Variants in C16orf78 observed in about 807,000 individuals in gnomAD.
C16orf78 encodes uncharacterized protein C16orf78.
C16orf78 carries 19 observed loss-of-function variants against 27.3 expected under a neutral mutation model. The ratio of observed to expected loss-of-function variants is 0.70; its 90% CI spans 0.49 to 1.02. C16orf78 has a LOEUF of 1.02. Among genes scored for constraint, C16orf78 ranks in the 50% least tolerant of loss-of-function variants. The pLI, the probability that C16orf78 is intolerant of heterozygous loss-of-function variation, is 0.00. For missense variants in C16orf78, 339 were observed against 337.0 expected (o/e 1.01, Z -0.05); for synonymous variants, 130 against 116.1 (o/e 1.12, Z -0.77).
chr16:49,375,046 G>A (rs1024208244), intron 1 of C16orf78, among the ~76,000 whole-genome samples: 1 of 152,178 alleles, frequency 6.6e-6, no homozygotes, highest in South Asian at 2.1e-4. Context: ...GGGTTATGTG[G>A]TCAATTGCTC....
chr16:49,394,766 A>G (rs192476849), intron 3 of C16orf78, among the ~76,000 whole-genome samples: 1 of 152,216 alleles, frequency 6.6e-6, no homozygotes, highest in Admixed American at 6.5e-5. Flanking sequence ...TTTTCCCCTA[A>G]TATGATTGTA....
chr16:49,375,997 T>C (rs1965212276), intron 1 of C16orf78, among the ~76,000 whole-genome samples: 1 of 152,192 alleles, frequency 6.6e-6, no homozygotes. Context: ...AGGGAGCAAG[T>C]TTACATGGGA....
chr16:49,399,020 C>T, intron 4 of C16orf78, 111 bp from the exon 5 acceptor site: 2 of 1,194,346 alleles, frequency 1.7e-6, no homozygotes, highest in Admixed American at 2.0e-5. Flanking sequence ...AGAGACAGCC[C>T]CTTGCAGAGC....
intron 3 of C16orf78, among the ~76,000 whole-genome samples, chr16:49,391,193 T>G (rs1965408929): frequency 6.6e-6 from 1 of 152,220 alleles, no homozygotes; most frequent in African/African-American, 2.4e-5. Flanking sequence ...AAGGTTGCTC[T>G]GGCTATGAGC....
At chr16:49,378,900 A>T (rs1474687639) in intron 3 of C16orf78, among the ~76,000 whole-genome samples, 2 of 152,194 alleles carry the variant, frequency 1.3e-5, no homozygotes, top group Non-Finnish European at 2.9e-5. Flanking sequence ...GGTGACATCA[A>T]CTTCATGAGT....
At chr16:49,398,064 T>A (rs755493146) in intron 4 of C16orf78, among the ~76,000 whole-genome samples, 1 of 152,190 alleles carries the variant, frequency 6.6e-6, no homozygotes, top group Non-Finnish European at 1.5e-5. Context: ...AGCACTTGGA[T>A]GAGACCGTAA....
At position 49,373,864 on chromosome 16, in the gene C16orf78, C is replaced by T. The variant is rs1965183633; in HGVS notation, c.-76C>T. 2.6e-6 allele frequency: 4 copies of T among 1,561,778 alleles called. No homozygotes were observed. Among genetic ancestry groups the T allele is most frequent in the Admixed American group, 3.4e-5 (2 of 58,190 alleles). ...CCTACCTTCTAAGTCACCAGGCCAT[C>T]AAGTCCAGACAAAGGGATCGAAAGA... On this transcript the variant is annotated 5_prime_UTR_variant, in exon 1 of 5. The change creates a premature stop within an existing upstream ORF in the 5' untranslated region. Coordinates refer to ENST00000299191, the MANE Select transcript of C16orf78 (RefSeq NM_144602.4).
chr16:49,378,522 GA>G lies in C16orf78; in HGVS notation c.324del (p.Val109TrpfsTer49). 1 of 1,611,874 alleles carries G rather than the reference GA, an allele frequency of 6.2e-7. No individual in the cohort carries two copies. The highest frequency in any genetic ancestry group is 8.5e-7 in the Non-Finnish European group (1 of 1,178,984). On this transcript the variant is annotated frameshift_variant, in exon 3 of 5. Coordinates refer to ENST00000299191, the MANE Select transcript of C16orf78 (RefSeq NM_144602.4). LOFTEE classifies it high-confidence loss of function. ...KDAASYRSLY[G>X]VEQKGKHLSM... The stretch of plus-strand genomic sequence containing the variant: ...GCCGCCTCCTACCGAAGCCTCTATG[GA>G]GTGGAGCAAAAGGGGAAACACCTCA...
At chr16:49,390,746 G>A (rs937451264) in intron 3 of C16orf78, among the ~76,000 whole-genome samples, 3 of 152,228 alleles carry the variant, frequency 2.0e-5, no homozygotes, top group Non-Finnish European at 4.4e-5. Flanking sequence ...TAACTTTGCA[G>A]TTCTTGGTGC....
chr16:49,395,995 C>T (rs943542438), intron 3 of C16orf78, among the ~76,000 whole-genome samples: 2 of 152,196 alleles, frequency 1.3e-5, no homozygotes, highest in Non-Finnish European at 2.9e-5. Flanking sequence ...GTAATCCCAG[C>T]ACTTTGGGAG....
chr16:49,397,636 G>A (rs913832441), intron 4 of C16orf78, among the ~76,000 whole-genome samples: 5 of 152,170 alleles, frequency 3.3e-5, no homozygotes, highest in South Asian at 2.1e-4. Flanking sequence ...CAGCCTACCC[G>A]GGTTCCATGG....
intron 4 of C16orf78, among the ~76,000 whole-genome samples, chr16:49,398,011 C>T (rs1965495031): frequency 6.6e-6 from 1 of 152,176 alleles, no homozygotes; most frequent in Non-Finnish European, 1.5e-5. Context: ...GGTGGTTCAC[C>T]TTCCTTGGCC....
chr16:49,381,267 A>G (rs1965283479), intron 3 of C16orf78, among the ~76,000 whole-genome samples: 1 of 152,214 alleles, frequency 6.6e-6, no homozygotes, highest in Non-Finnish European at 1.5e-5. Context: ...ACCCATGAGC[A>G]TGGAATGTTC....
At chr16:49,394,322 A>T (rs1230901466) in intron 3 of C16orf78, among the ~76,000 whole-genome samples, 1 of 152,192 alleles carries the variant, frequency 6.6e-6, no homozygotes, top group African/African-American at 2.4e-5. Flanking sequence ...TCAATGTATG[A>T]AAATACATCA....
chr16:49,387,465 G>A (rs944071233), intron 3 of C16orf78, among the ~76,000 whole-genome samples: 1 of 152,070 alleles, frequency 6.6e-6, no homozygotes, highest in Non-Finnish European at 1.5e-5. Context: ...ATTTTGTTGA[G>A]GCTTTTTGCA....
chr16:49,375,439 A>T (rs1286989195), intron 1 of C16orf78, among the ~76,000 whole-genome samples: 2 of 152,210 alleles, frequency 1.3e-5, no homozygotes, highest in Non-Finnish European at 2.9e-5. Flanking sequence ...GCAGAAGGCA[A>T]AAGAGGAGCA....
intron 3 of C16orf78, among the ~76,000 whole-genome samples, chr16:49,383,936 A>G (rs1161536564): frequency 5.9e-5 from 9 of 152,226 alleles, no homozygotes; most frequent in Non-Finnish European, 1.3e-4. Flanking sequence ...CTGACAAATA[A>G]TTCAGAATAA....
Position 49,373,986 on chromosome 16 carries a change from G to GTT in C16orf78, c.47_48insTT (p.Arg16SerfsTer2). On this transcript the variant is annotated frameshift_variant, in exon 1 of 5. Transcript: ENST00000299191. LOFTEE classifies it high-confidence loss of function. ...CTGAAGGATTTAATGCCCACAAAGA[G>GTT]GAAATACATGTGGAAGACTGCTGAA... 6.2e-7 allele frequency: 1 copy of GTT among 1,614,168 alleles called. No individual in the cohort carries two copies. The highest frequency in any genetic ancestry group is 1.3e-5 in the African/African-American group (1 of 75,028).
At chr16:49,379,463 A>C (rs1451183926) in intron 3 of C16orf78, among the ~76,000 whole-genome samples, 5 of 151,796 alleles carry the variant, frequency 3.3e-5, no homozygotes, top group Non-Finnish European at 5.9e-5. Context: ...CATATATAAA[A>C]TTGCCCCCAT....
Sources: allele counts gnomAD v4.1 joint callset (sites outside exome capture counted in the v4.1 genomes callset), GRCh38; gene constraint gnomAD v4.1.1; transcripts MANE v1.5; gene names NCBI Gene and HGNC (gene_info 2026-07-23, HGNC 2026-07-21).